The following EED variants were observed in gnomAD, a reference collection of about 807,000 sequenced individuals.
The protein encoded by EED is embryonic ectoderm development.
EED carries 9 observed loss-of-function variants against 61.0 expected under a neutral mutation model. The observed-to-expected ratio is 0.15, with a 90% CI of 0.09 to 0.26. The LOEUF is 0.26. Among genes scored for constraint, EED ranks in the 10% least tolerant of loss-of-function variants. The pLI, the probability that EED is intolerant of heterozygous loss-of-function variation, is 1.00. For missense variants in EED, 315 were observed against 542.3 expected, an observed-to-expected ratio of 0.58 and a Z score of 4.16; for synonymous variants, 187 against 174.4, an observed-to-expected ratio of 1.07 and a Z score of -0.57.
chr11:86,274,214 G>T (rs1946180148), intron 9 of EED, among the ~76,000 whole-genome samples: 2 of 151,074 alleles, frequency 1.3e-5, no homozygotes, highest in Non-Finnish European at 2.9e-5. Context: ...TTTTTATTTG[G>T]GTTATAATAG....
At chr11:86,254,703 A>G (rs967157007) in intron 3 of EED, among the ~76,000 whole-genome samples, 3 of 150,732 alleles carry the variant, frequency 2.0e-5, no homozygotes, top group Non-Finnish European at 3.0e-5. Flanking sequence ...GCTCACTGCA[A>G]CCTCCGCCTC....
At chr11:86,272,102 G>A (rs150545392) in intron 9 of EED, among the ~76,000 whole-genome samples, 1 of 34,828 alleles carries the variant, frequency 2.9e-5, no homozygotes, top group Non-Finnish European at 5.0e-5. Context: ...CTGTCGCCCA[G>A]GCTGGAGTGC....
At position 86,250,310 on chromosome 11, in the gene EED, T is replaced by G; in HGVS notation, c.129T>G (p.Ser43Arg). The G allele has an allele frequency of 6.3e-7, 1 of 1,580,558 alleles. No homozygotes were observed. The highest frequency in any genetic ancestry group is 8.6e-7 in the Non-Finnish European group (1 of 1,166,650). The change falls in exon 2 of 12, where the codon AGT (serine) becomes AGG (arginine). Residue 43 changes from serine (S) to arginine (R), a missense_variant. Ser to Arg is a moderately radical substitution (Grantham distance 110, BLOSUM62 -1). This residue lies in a region of EED where 110 missense variants were observed against 86.9 expected (regional missense o/e 1.27). Transcript: ENST00000263360. ...ACTGCTTACAGGATGACGCTGTCAG[T>G]ATAGAAAGTGGTACAAACACTGAAC... ...LSGDENDDAV[S>R]IESGTNTERP...
chr11:86,252,031 A>G, intron 2 of EED, 117 bp from the exon 3 acceptor site: 1 of 609,312 alleles, frequency 1.6e-6, no homozygotes, highest in Non-Finnish European at 2.7e-6. Context: ...TAGCTTATGT[A>G]TGATACACAA....
intron 6 of EED, among the ~76,000 whole-genome samples, chr11:86,263,555 A>T (rs1324017432): frequency 6.6e-6 from 1 of 152,080 alleles, no homozygotes; most frequent in Non-Finnish European, 1.5e-5. Context: ...TAATTTTTAA[A>T]TTTTTTGTTG....
chr11:86,286,822 A>C, the EED span, among the ~76,000 whole-genome samples: 1 of 151,948 alleles, frequency 6.6e-6, no homozygotes, highest in Non-Finnish European at 1.5e-5. Context: ...AATACAAAAA[A>C]TTAGCCGGGC....
At chr11:86,251,000 T>C (rs953462064) in intron 2 of EED, among the ~76,000 whole-genome samples, 1 of 152,268 alleles carries the variant, frequency 6.6e-6, no homozygotes, top group South Asian at 2.1e-4. Context: ...AGTATTTTTA[T>C]TTACTTTATA....
intron 2 of EED, 152 bp from the exon 3 acceptor site, chr11:86,251,996 A>G (rs1945543792): frequency 2.1e-6 from 1 of 477,012 alleles, no homozygotes; most frequent in Non-Finnish European, 3.7e-6. Context: ...ACTAGTAGAC[A>G]TCTTTTAATT....
Position 86,256,446 on chromosome 11 carries a change from G to C in EED, c.486G>C (p.Leu162=), listed in dbSNP as rs193258630. The C allele has an allele frequency of 1.9e-6, 3 of 1,612,428 alleles. No individual in the cohort carries two copies. The African/African-American group carries it at 4.0e-5, about 21-fold the overall frequency. The change falls in exon 5 of 12, where the codon CTG becomes CTC. Residue 162 remains leucine, a synonymous_variant. Transcript: ENST00000263360. ...WTYDSNTSHP[L]LAVAGSRGII... ...ATGATAGCAATACGAGCCATCCTCT[G>C]CTGGCTGTAGCTGGATCTAGAGGCA...
At chr11:86,286,971 C>CAAAAAAAAAAAAAAAAAAA in the EED span, among the ~76,000 whole-genome samples, 4 of 68,326 alleles carry the variant, frequency 5.9e-5, no homozygotes, top group African/African-American at 1.9e-4. Context: ...GACTCCGTCT[C>CAAAAAAAAAAAAAAAAAAA]AAAAAAAAAA....
downstream of EED, among the ~76,000 whole-genome samples, chr11:86,282,655 G>T (rs991846485): frequency 6.6e-6 from 1 of 152,078 alleles, no homozygotes; most frequent in Non-Finnish European, 1.5e-5. Context: ...CAGTTTTGTT[G>T]TTACTAGTTT....
chr11:86,268,594 C>CT (rs1555179196), intron 9 of EED, 33 bp downstream of exon 9: 1 of 768,776 alleles, frequency 1.3e-6, no homozygotes, highest in African/African-American at 1.9e-5. Flanking sequence ...GTACTTCCAT[C>CT]GTGTGTGTGT....
chr11:86,265,976 T>C (rs746480957), intron 7 of EED, 107 bp from the exon 8 acceptor site: 163 of 936,370 alleles, frequency 1.7e-4, no homozygotes, highest in Non-Finnish European at 2.2e-4. Context: ...ATGTAGTTTG[T>C]ATTGTGATTT....
intron 3 of EED, among the ~76,000 whole-genome samples, chr11:86,252,578 G>C (rs144905334): frequency 6.7e-5 from 10 of 149,296 alleles, no homozygotes; most frequent in Non-Finnish European, 1.0e-4. Flanking sequence ...TTCAAATAGC[G>C]TAAGAACTGG....
At chr11:86,250,540 A>G in intron 2 of EED, 92 bp downstream of exon 2, 1 of 1,323,926 alleles carries the variant, frequency 7.6e-7, no homozygotes. Context: ...TACTCTGTCA[A>G]GTTGTAAATA....
intron 9 of EED, among the ~76,000 whole-genome samples, chr11:86,271,490 C>A (rs1366757343): frequency 6.6e-6 from 1 of 152,042 alleles, no homozygotes; most frequent in Non-Finnish European, 1.5e-5. Flanking sequence ...GATCTATATG[C>A]CTTTTCTTTT....
downstream of EED, among the ~76,000 whole-genome samples, chr11:86,280,670 T>G (rs1293207321): frequency 6.6e-6 from 1 of 152,232 alleles, no homozygotes; most frequent in Non-Finnish European, 1.5e-5. Context: ...ATTTATAGGG[T>G]ACAATGTGAT....
At chr11:86,252,280 C>T (rs769460772) in intron 3 of EED, 40 bp downstream of exon 3, 1 of 1,382,536 alleles carries the variant, frequency 7.2e-7, no homozygotes, top group South Asian at 1.3e-5. Flanking sequence ...GGCTTGATTT[C>T]CAGATCTGGT....
Position 86,245,221 on chromosome 11 carries a change from C to A in EED, c.-9C>A, listed in dbSNP as rs568869481. The A allele has an allele frequency of 1.2e-6, 2 of 1,608,818 alleles. No homozygotes were observed. The highest frequency in any genetic ancestry group is 4.5e-5 in the East Asian group (2 of 44,146). On this transcript the variant is annotated 5_prime_UTR_variant, in exon 1 of 12. Transcript: ENST00000263360. ...CAGGCGGCAGGAACCTGGAGGGAGG[C>A]GGAGGAATATGTCCGAGAGGGAAGT...
Sources: gnomAD v4.1 joint callset for allele counts (sites outside exome capture counted in the v4.1 genomes callset) on GRCh38, gnomAD v4.1.1 for gene constraint, gnomAD v4.1.1 regional missense constraint, MANE v1.5 for transcripts, NCBI Gene and HGNC (gene_info 2026-07-23, HGNC 2026-07-21) for gene names.